The following SEMA3A variants were observed in gnomAD, a reference collection of about 807,000 sequenced individuals.
SEMA3A encodes semaphorin-3A.
SEMA3A carries 29 observed loss-of-function variants against 97.9 expected under a neutral mutation model. The ratio of observed to expected loss-of-function variants is 0.30; its 90% CI spans 0.22 to 0.40. The LOEUF is 0.40. SEMA3A is among the 10% of genes least tolerant of loss of function. The probability of loss-of-function intolerance (pLI) is 1.00; values close to 1 mark genes in which losing one functional copy is unlikely to be tolerated. For synonymous variants in SEMA3A, 321 were observed against 323.7 expected (o/e 0.99, Z 0.09); for missense variants, 763 against 951.3 (o/e 0.80, Z 2.60).
chr7:84,102,860 C>T (rs1169962637), intron 4 of SEMA3A, among the ~76,000 whole-genome samples: 2 of 151,932 alleles, frequency 1.3e-5, no homozygotes, highest in East Asian at 1.9e-4. Flanking sequence ...GGATTACAGG[C>T]GTTGAGTCAC....
intron 2 of SEMA3A, among the ~76,000 whole-genome samples, chr7:84,361,506 A>C (rs2116065657): frequency 6.6e-6 from 1 of 152,160 alleles, no homozygotes; most frequent in Admixed American, 6.6e-5. Context: ...AAATATATCT[A>C]TCCTTATCGA....
chr7:84,403,631 T>A (rs1803973239), intron 1 of SEMA3A, among the ~76,000 whole-genome samples: 1 of 152,146 alleles, frequency 6.6e-6, no homozygotes, highest in South Asian at 2.1e-4. Flanking sequence ...GCAGCCTAAC[T>A]GGGAGGCACC....
At chr7:84,377,877 C>A (rs1207878109) in intron 1 of SEMA3A, among the ~76,000 whole-genome samples, 1 of 152,112 alleles carries the variant, frequency 6.6e-6, no homozygotes, top group Admixed American at 6.5e-5. Context: ...TTCTGGAGGA[C>A]CTCCATGTTA....
intron 1 of SEMA3A, among the ~76,000 whole-genome samples, chr7:84,435,918 C>G (rs1805115091): frequency 6.6e-6 from 1 of 152,176 alleles, no homozygotes; most frequent in Non-Finnish European, 1.5e-5. Context: ...TCACATTACC[C>G]TACTTTAAAC....
chr7:83,988,572 TC>T (rs1391873299), intron 12 of SEMA3A, among the ~76,000 whole-genome samples: 8 of 152,164 alleles, frequency 5.3e-5, no homozygotes, highest in African/African-American at 1.7e-4. Context: ...AACAGGATTT[TC>T]TTAACAAATT....
rs1795484296 is a variant in SEMA3A, at chr7:84,117,918, T to A, written c.334-7329A>T. Among the ~76,000 whole-genome samples the A allele has an allele frequency of 3.3e-5, 5 of 152,322 alleles. No homozygotes were observed. The South Asian group carries it at 1.0e-3, about 32-fold the overall frequency. On this transcript the variant is annotated intron_variant, in intron 3 of 16. Coordinates refer to ENST00000265362, the MANE Select transcript of SEMA3A (RefSeq NM_006080.3). ...CATGTAAATTACTTAACATGATGAC[T>A]AGCGCTTATTAATTGATAGGTAACT...
intron 2 of SEMA3A, among the ~76,000 whole-genome samples, chr7:84,318,890 G>T (rs905739695): frequency 2.6e-5 from 4 of 152,126 alleles, no homozygotes; most frequent in African/African-American, 9.7e-5. Flanking sequence ...CAAGGCCAAT[G>T]AAACAGTAAC....
At chr7:84,400,407 C>A (rs1335451453) in intron 1 of SEMA3A, among the ~76,000 whole-genome samples, 2 of 152,080 alleles carry the variant, frequency 1.3e-5, no homozygotes, top group East Asian at 3.9e-4. Flanking sequence ...TGGAAGGAAT[C>A]CATAAATTTA....
At chr7:83,977,042 G>GAC (rs1486813138) in intron 15 of SEMA3A, 90 bp downstream of exon 15, 2 of 649,840 alleles carry the variant, frequency 3.1e-6, no homozygotes, top group Non-Finnish European at 5.1e-6. Context: ...TATTCTGAGA[G>GAC]ATGCATACAT....
intron 15 of SEMA3A, among the ~76,000 whole-genome samples, chr7:83,965,637 T>TGC (rs1788643796): frequency 1.5e-4 from 1 of 6,780 alleles, no homozygotes; most frequent in East Asian, 4.9e-3. Context: ...CATATATATA[T>TGC]ATATATATAT....
At chr7:84,246,501 A>G (rs1161921392) in intron 3 of SEMA3A, among the ~76,000 whole-genome samples, 2 of 152,182 alleles carry the variant, frequency 1.3e-5, no homozygotes, top group Admixed American at 1.3e-4. Context: ...CCAAATTAAA[A>G]TAAGACAGAG....
intron 4 of SEMA3A, among the ~76,000 whole-genome samples, chr7:84,105,968 C>T (rs368717686): frequency 6.6e-6 from 1 of 152,092 alleles, no homozygotes. Flanking sequence ...TTGGAAGATA[C>T]CCAAGAATTG....
intron 5 of SEMA3A, among the ~76,000 whole-genome samples, chr7:84,048,694 A>T (rs73187466): frequency 0.048 from 7,340 of 152,114 alleles, 285 homozygotes; most frequent in East Asian, 0.19. Flanking sequence ...AGAATAATTT[A>T]AAAAATGAAA....
chr7:84,433,778 C>T (rs1248946639), intron 1 of SEMA3A, among the ~76,000 whole-genome samples: 1 of 152,080 alleles, frequency 6.6e-6, no homozygotes. Context: ...TTCTAACTGG[C>T]ATGAGATGGT....
chr7:84,219,722 T>C (rs1798832037), intron 3 of SEMA3A, among the ~76,000 whole-genome samples: 1 of 152,364 alleles, frequency 6.6e-6, no homozygotes, highest in South Asian at 2.1e-4. Flanking sequence ...TTGTTTAGTG[T>C]AGTTACCTTC....
At chr7:84,120,167 A>G in intron 3 of SEMA3A, among the ~76,000 whole-genome samples, 1 of 152,094 alleles carries the variant, frequency 6.6e-6, no homozygotes, top group East Asian at 1.9e-4. Context: ...CAAAAATGTA[A>G]GTTTATCTGT....
intron 1 of SEMA3A, among the ~76,000 whole-genome samples, chr7:84,484,205 G>A (rs564334874): frequency 9.5e-4 from 145 of 152,208 alleles, no homozygotes; most frequent in African/African-American, 3.3e-3. Context: ...GTGTAAGGCT[G>A]TGGGTAGCTT....
chr7:84,257,752 T>C (rs536314756), intron 3 of SEMA3A, among the ~76,000 whole-genome samples: 2 of 152,166 alleles, frequency 1.3e-5, no homozygotes, highest in African/African-American at 4.8e-5. Flanking sequence ...ATAAAGACAC[T>C]ACTTTTTTTC....
intron 3 of SEMA3A, among the ~76,000 whole-genome samples, chr7:84,125,512 G>A (rs1248636780): frequency 2.0e-5 from 3 of 152,232 alleles, no homozygotes; most frequent in South Asian, 2.1e-4. Context: ...CAAATTAGCC[G>A]GATGTGATGG....
Sources: allele counts gnomAD v4.1 joint callset (sites outside exome capture counted in the v4.1 genomes callset), GRCh38; gene constraint gnomAD v4.1.1; transcripts MANE v1.5; gene names NCBI Gene and HGNC (gene_info 2026-07-23, HGNC 2026-07-21).